The following HMGB1 variants were observed in gnomAD, a reference collection of about 807,000 sequenced individuals.
HMGB1 encodes high mobility group protein B1.
For missense variants in HMGB1, 79 were observed against 253.5 expected (o/e 0.31, Z 4.67); for synonymous variants, 81 against 84.0 (o/e 0.96, Z 0.19).
rs570079930 is a variant in HMGB1 at position 30,589,548 on chromosome 13, A to G, written c.-15+27123T>C. On this transcript the variant is annotated intron_variant, in intron 1 of 4. Coordinates refer to the HMGB1 transcript ENST00000405805. Reference sequence around the variant, plus strand: ...ATGGAAACCTAAATTTTCACACAGTAAAGTGTCAATAATAAAGGCATAATG... The same window carrying G: ...ATGGAAACCTAAATTTTCACACAGTGAAGTGTCAATAATAAAGGCATAATG... Among the ~76,000 whole-genome samples, 14 of 152,312 alleles carry G rather than the reference A, an allele frequency of 9.2e-5. No homozygotes were observed. In the East Asian group the frequency reaches 2.7e-3, roughly 29 times the overall value.
chr13:30,556,570 T>C (rs1869700737), intron 1 of HMGB1, among the ~76,000 whole-genome samples: 1 of 152,206 alleles, frequency 6.6e-6, no homozygotes, highest in Admixed American at 6.5e-5. Flanking sequence ...TGGAGTATTA[T>C]TCAGCCATAA....
chr13:30,497,532 G>A (rs753303902), intron 1 of HMGB1, among the ~76,000 whole-genome samples: 20 of 151,474 alleles, frequency 1.3e-4, no homozygotes, highest in Non-Finnish European at 2.4e-4. Flanking sequence ...GGGGCTTGGT[G>A]TACAGATTAT....
chr13:30,576,074 G>C (rs1208527336), intron 1 of HMGB1, among the ~76,000 whole-genome samples: 1 of 152,098 alleles, frequency 6.6e-6, no homozygotes, highest in East Asian at 1.9e-4. Context: ...CTGAGACAAA[G>C]TCTTTGACAT....
At chr13:30,571,606 T>A (rs567425128) in intron 1 of HMGB1, among the ~76,000 whole-genome samples, 1 of 152,160 alleles carries the variant, frequency 6.6e-6, no homozygotes, top group Non-Finnish European at 1.5e-5. Context: ...AATGGCCAAG[T>A]TTTATTATGG....
chr13:30,557,461 T>G (rs1869738812), intron 1 of HMGB1, among the ~76,000 whole-genome samples: 1 of 152,216 alleles, frequency 6.6e-6, no homozygotes. Context: ...GGAGCAAGCC[T>G]CCAAGGGTCA....
chr13:30,605,908 C>T lies in HMGB1; in HGVS notation c.-15+10763G>A, dbSNP rs975397482. On this transcript the variant is annotated intron_variant, in intron 1 of 4. Coordinates refer to the HMGB1 transcript ENST00000405805. ...GATAACTTCCCCTCTAAATATACCT[C>T]GGATGTATCTCCTAAAATAAGTCCA... Among the ~76,000 whole-genome samples the T allele has an allele frequency of 7.9e-5, 12 of 152,190 alleles. No individual in the cohort carries two copies. The South Asian group carries it at 2.5e-3, about 32-fold the overall frequency.
intron 1 of HMGB1, chr13:30,464,391 C>T (rs921309453): frequency 1.0e-6 from 1 of 985,470 alleles, no homozygotes; most frequent in Non-Finnish European, 1.2e-6. Flanking sequence ...CACTCCTGCT[C>T]GTGGCTCGGT....
chr13:30,564,278 CA>C (rs60208654), intron 1 of HMGB1, among the ~76,000 whole-genome samples: 3,068 of 105,810 alleles, frequency 0.029, 37 homozygotes, highest in Non-Finnish European at 0.043. Flanking sequence ...ACTAAAAATG[CA>C]AAAAAAAAAA....
chr13:30,570,507 T>A (rs1870380458), intron 1 of HMGB1, among the ~76,000 whole-genome samples: 1 of 152,210 alleles, frequency 6.6e-6, no homozygotes. Flanking sequence ...TTTCAGTAAG[T>A]GTTTATCAAT....
At chr13:30,604,625 A>T (rs1022239268) in intron 1 of HMGB1, among the ~76,000 whole-genome samples, 1 of 152,190 alleles carries the variant, frequency 6.6e-6, no homozygotes, top group African/African-American at 2.4e-5. Context: ...GGCAGTGGTA[A>T]GAGCTGGAGA....
intron 1 of HMGB1, chr13:30,465,110 C>G (rs1886681295): frequency 1.0e-6 from 1 of 961,240 alleles, no homozygotes; most frequent in Non-Finnish European, 1.2e-6. Flanking sequence ...GCCCGCCCGC[C>G]TTGTTTTCTC....
At chr13:30,520,502 C>T (rs1489240163) in intron 1 of HMGB1, among the ~76,000 whole-genome samples, 1 of 151,902 alleles carries the variant, frequency 6.6e-6, no homozygotes, top group Non-Finnish European at 1.5e-5. Flanking sequence ...TGCCTGTAAT[C>T]CCAGCTACTT....
At chr13:30,532,067 A>C (rs578223614) in intron 1 of HMGB1, among the ~76,000 whole-genome samples, 1 of 149,950 alleles carries the variant, frequency 6.7e-6, no homozygotes, top group Non-Finnish European at 1.5e-5. Context: ...GGCCAGGCGC[A>C]GTGGCTCACA....
chr13:30,505,142 A>ATG (rs1887823329), intron 1 of HMGB1, among the ~76,000 whole-genome samples: 1 of 82,658 alleles, frequency 1.2e-5, no homozygotes, highest in South Asian at 4.4e-4. Flanking sequence ...GCTAATTTAT[A>ATG]TATATATATT....
At chr13:30,594,864 C>A (rs1871534239) in intron 1 of HMGB1, among the ~76,000 whole-genome samples, 1 of 152,150 alleles carries the variant, frequency 6.6e-6, no homozygotes, top group Non-Finnish European at 1.5e-5. Context: ...ACGGCCTCGC[C>A]AACATACGTT....
intron 1 of HMGB1, among the ~76,000 whole-genome samples, chr13:30,503,769 C>T (rs1423024180): frequency 2.0e-5 from 3 of 149,710 alleles, no homozygotes; most frequent in Non-Finnish European, 4.4e-5. Flanking sequence ...AAAGGTATTG[C>T]AGGGCTGGGT....
intron 1 of HMGB1, among the ~76,000 whole-genome samples, chr13:30,537,855 A>G (rs1190327419): frequency 6.6e-6 from 1 of 151,770 alleles, no homozygotes; most frequent in Non-Finnish European, 1.5e-5. Flanking sequence ...TTCAATCTGA[A>G]TTCTTCCTTC....
intron 1 of HMGB1, chr13:30,616,657 G>A (rs1340527404): frequency 6.6e-6 from 1 of 152,100 alleles, no homozygotes; most frequent in African/African-American, 2.4e-5. Context: ...ACAGAAAAAG[G>A]TAAACAAACT....
chr13:30,521,713 C>T (rs1042805916), intron 1 of HMGB1, among the ~76,000 whole-genome samples: 13 of 152,122 alleles, frequency 8.5e-5, no homozygotes, highest in African/African-American at 2.9e-4. Context: ...CGTGTTTTCA[C>T]GTCTCTTGGG....
Sources: allele counts gnomAD v4.1 joint callset (sites outside exome capture counted in the v4.1 genomes callset), GRCh38; gene constraint gnomAD v4.1.1; transcripts MANE v1.5; gene names NCBI Gene and HGNC (gene_info 2026-07-23, HGNC 2026-07-21).